The following BIRC6 variants were observed in gnomAD, a reference collection of about 807,000 sequenced individuals.
BIRC6 encodes the protein dual E2 ubiquitin-conjugating enzyme/E3 ubiquitin-protein ligase BIRC6.
BIRC6 carries 98 observed loss-of-function variants against 503.3 expected under a neutral mutation model. The ratio of observed to expected loss-of-function variants is 0.19; its 90% CI spans 0.17 to 0.23. The LOEUF is 0.23. BIRC6 is among the 10% of genes least tolerant of loss of function. The pLI, the probability that BIRC6 is intolerant of heterozygous loss-of-function variation, is 1.00. For synonymous variants in BIRC6, 2,240 were observed against 2,078.7 expected (o/e 1.08, Z -2.11); for missense variants, 5,360 against 5,806.0 (o/e 0.92, Z 2.50).
At chr2:32,507,102 T>C (rs1208843700) in intron 50 of BIRC6, among the ~76,000 whole-genome samples, 1 of 152,076 alleles carries the variant, frequency 6.6e-6, no homozygotes, top group Non-Finnish European at 1.5e-5. Context: ...CAAGAATTGA[T>C]TTTTTAAAAA....
At position 32,575,377 on chromosome 2, in the gene BIRC6, CA is replaced by C. The variant is rs1278144397; in HGVS notation, c.13355+13del. 5 of 1,609,038 alleles carry C rather than the reference CA, an allele frequency of 3.1e-6. No homozygotes were observed. In the African/African-American group the frequency reaches 5.3e-5, roughly 17 times the overall value. On this transcript the variant is annotated intron_variant, in intron 66 of 73. Coordinates refer to ENST00000421745, the MANE Select transcript of BIRC6 (RefSeq NM_016252.4). ...TACCAACCGTTTAAGGTACTATATA[CA>C]ATGTTCATTTCTCTTGAGTTTGCCT...
chr2:32,570,357 T>A (rs2059832672), intron 65 of BIRC6, among the ~76,000 whole-genome samples: 1 of 152,230 alleles, frequency 6.6e-6, no homozygotes, highest in Non-Finnish European at 1.5e-5. Context: ...CTAATTTTTT[T>A]ATTTTGGGTA....
intron 63 of BIRC6, 41 bp from the exon 64 acceptor site, chr2:32,547,809 A>G: frequency 6.8e-7 from 1 of 1,465,430 alleles, no homozygotes; most frequent in Non-Finnish European, 9.1e-7. Context: ...AAGATAAGCA[A>G]AAACAAATTG....
chr2:32,442,138 G>C lies in BIRC6; in HGVS notation c.4018G>C (p.Asp1340His). 1.2e-6 allele frequency: 2 copies of C among 1,610,716 alleles called. No individual in the cohort carries two copies. The highest frequency in any genetic ancestry group is 1.7e-6 in the Non-Finnish European group (2 of 1,179,018). Residue 1340 changes from aspartate (D) to histidine (H), a missense_variant, in exon 18 of 74, where the codon GAT becomes CAT. Coordinates refer to ENST00000421745, the MANE Select transcript of BIRC6 (RefSeq NM_016252.4). The stretch of plus-strand genomic sequence containing the variant: ...TCTTAATACTCTTTGCAGAAAAACA[G>C]ATGATGGCCAGATCACAGAACATGC... ...KLLNTLCRKT[D>H]DGQITEHAQS...
intron 66 of BIRC6, among the ~76,000 whole-genome samples, chr2:32,576,080 TTAAC>T (rs2060248945): frequency 1.3e-5 from 2 of 152,206 alleles, no homozygotes; most frequent in South Asian, 4.1e-4. Context: ...TATATTTTAT[TTAAC>T]TATTTATTAG....
chr2:32,550,516 C>T (rs1241830170), intron 65 of BIRC6, among the ~76,000 whole-genome samples: 1 of 151,906 alleles, frequency 6.6e-6, no homozygotes, highest in African/African-American at 2.4e-5. Flanking sequence ...ATGTCAAATG[C>T]ATAATTTTTT....
rs576861271 is a variant in BIRC6 at position 32,392,224 on chromosome 2, T to A, written c.951+74T>A. 426 of 1,100,744 alleles carry A rather than the reference T, an allele frequency of 3.9e-4. 5 individuals are homozygous for A. In the South Asian group the frequency reaches 5.8e-3, roughly 15 times the overall value. 68.2% of individuals were successfully genotyped at this position (1,100,744 alleles called of 1,614,324 possible). ...CCTCAGCAAAATTATCACATTTTTT[T>A]AACTTTTTCAGAAACTTATTTTGTG... On this transcript the variant is annotated intron_variant, in intron 5 of 73. Transcript: ENST00000421745.
At chr2:32,529,449 A>G (rs1416372288) in intron 59 of BIRC6, 1 of 455,318 alleles carries the variant, frequency 2.2e-6, no homozygotes, top group Non-Finnish European at 3.8e-6. Flanking sequence ...TAACACTTTC[A>G]CAGACATTAT....
At chr2:32,531,311 A>G in intron 60 of BIRC6, 44 bp from the exon 61 acceptor site, 1 of 1,473,600 alleles carries the variant, frequency 6.8e-7, no homozygotes, top group Non-Finnish European at 9.2e-7. Context: ...TTATAAAAAT[A>G]TACCCTTTCT....
At chr2:32,385,594 G>C (rs1479737851) in intron 3 of BIRC6, among the ~76,000 whole-genome samples, 1 of 152,208 alleles carries the variant, frequency 6.6e-6, no homozygotes, top group Non-Finnish European at 1.5e-5. Context: ...ATTCTGCTGT[G>C]TGATTGTCCC....
chr2:32,455,379 CAAAAA>C (rs758202958), intron 23 of BIRC6, among the ~76,000 whole-genome samples: 1 of 88,732 alleles, frequency 1.1e-5, no homozygotes, highest in African/African-American at 4.3e-5. Flanking sequence ...ACTCTGTCTC[CAAAAA>C]AAAAAAAAAA....
At chr2:32,362,318 G>GTT (rs766604562) in intron 1 of BIRC6, among the ~76,000 whole-genome samples, 24 of 137,494 alleles carry the variant, frequency 1.7e-4, no homozygotes, top group South Asian at 4.6e-4. Context: ...TGCTGACTTT[G>GTT]TTTTTTTTTT....
chr2:32,464,788 G>C lies in BIRC6; in HGVS notation c.5221G>C (p.Ala1741Pro), dbSNP rs2048346121. The C allele has an allele frequency of 6.2e-7, 1 of 1,612,598 alleles. No individual in the cohort carries two copies. Among genetic ancestry groups the C allele is most frequent in the Non-Finnish European group, 8.5e-7 (1 of 1,178,892 alleles). ...CATTGATCCCCCAGCAGTCAATCTT[G>C]CTGCACATAACAAAAATTCCAACAA... ...SVIDPPAVNL[A>P]AHNKNSNKSR... Residue 1741 changes from alanine (A) to proline (P), a missense_variant, in exon 25 of 74, where the codon GCT becomes CCT. By Grantham distance (27) the Ala-to-Pro change is conservative. Around this residue, in one of 16 missense-constraint regions of BIRC6, gnomAD observed 2,299 missense variants for 2,267.2 expected, o/e 1.01. Transcript: ENST00000421745.
At chr2:32,385,621 G>A (rs2038334197) in intron 3 of BIRC6, among the ~76,000 whole-genome samples, 1 of 152,172 alleles carries the variant, frequency 6.6e-6, no homozygotes, top group Non-Finnish European at 1.5e-5. Context: ...GTTGCCACAG[G>A]CTCCTTACAG....
At chr2:32,511,476 ATTT>A (rs1166383796) in intron 53 of BIRC6, among the ~76,000 whole-genome samples, 1 of 80,154 alleles carries the variant, frequency 1.2e-5, no homozygotes, top group African/African-American at 4.8e-5. Flanking sequence ...TAACTGACTA[ATTT>A]TTTTTTTTTT....
At chr2:32,522,475 A>G (rs531502903) in intron 57 of BIRC6, 1 of 152,286 alleles carries the variant, frequency 6.6e-6, no homozygotes, top group African/African-American at 2.4e-5. Flanking sequence ...GGTAATTTTT[A>G]TAAACCAATG....
intron 61 of BIRC6, among the ~76,000 whole-genome samples, chr2:32,533,937 C>T (rs1572862345): frequency 6.6e-6 from 1 of 152,272 alleles, no homozygotes; most frequent in African/African-American, 2.4e-5. Flanking sequence ...AAAACTAATA[C>T]AGAGTTTGGT....
Position 32,545,632 on chromosome 2 carries a change from C to T in BIRC6, c.12593-11C>T, listed in dbSNP as rs200128259. Reference sequence around the variant, plus strand: ...TTTTTAATCTTGAGTCCTCTTCTTTCTTCAATCTAGGTCATATTCTTCAAT... The same window carrying T: ...TTTTTAATCTTGAGTCCTCTTCTTTTTTCAATCTAGGTCATATTCTTCAAT... On this transcript the variant is annotated splice_polypyrimidine_tract_variant and intron_variant, in intron 62 of 73. Transcript: ENST00000421745. 6.2e-7 allele frequency: 1 copy of T among 1,603,272 alleles called. No individual in the cohort carries two copies. Among genetic ancestry groups the T allele is most frequent in the Admixed American group, 1.7e-5 (1 of 59,980 alleles).
At chr2:32,547,823 T>C (rs997204569) in intron 63 of BIRC6, 27 bp from the exon 64 acceptor site, 6 of 1,516,588 alleles carry the variant, frequency 4.0e-6, no homozygotes, top group Non-Finnish European at 5.3e-6. Flanking sequence ...CAAATTGTAA[T>C]GGATTTTCAT....
Sources: allele counts gnomAD v4.1 joint callset (sites outside exome capture counted in the v4.1 genomes callset), GRCh38; gene constraint gnomAD v4.1.1; regional missense constraint gnomAD v4.1.1; transcripts MANE v1.5; gene names NCBI Gene and HGNC (gene_info 2026-07-23, HGNC 2026-07-21).